PSD3: variants seen among roughly 807,000 people sequenced by gnomAD.
PSD3 encodes PH and SEC7 domain-containing protein 3.
Under a neutral mutation model 105.5 loss-of-function variants are expected in PSD3, and 49 were observed. The observed-to-expected ratio is 0.46, with a 90% CI of 0.37 to 0.59. PSD3 has a LOEUF of 0.59. Among genes scored for constraint, PSD3 ranks in the 20% least tolerant of loss-of-function variants. PSD3 has a pLI of 0.00. For synonymous variants in PSD3, 557 were observed against 457.8 expected (o/e 1.22, Z -2.77); for missense variants, 1,561 against 1,263.8 (o/e 1.24, Z -3.57).
intron 1 of PSD3, among the ~76,000 whole-genome samples, chr8:18,989,041 T>C (rs1031855697): frequency 6.6e-6 from 1 of 152,216 alleles, no homozygotes; most frequent in African/African-American, 2.4e-5. Context: ...TCCGTAGGTA[T>C]TCTTTTTTCA....
chr8:18,757,420 T>A (rs1426817507), intron 9 of PSD3, among the ~76,000 whole-genome samples: 2 of 152,074 alleles, frequency 1.3e-5, no homozygotes, highest in African/African-American at 4.8e-5. Flanking sequence ...GCAGAGATCA[T>A]GCCACTGCAT....
intron 9 of PSD3, among the ~76,000 whole-genome samples, chr8:18,752,530 T>TTATATATTA (rs1563225174): frequency 6.2e-5 from 3 of 48,260 alleles, no homozygotes; most frequent in Non-Finnish European, 9.1e-5. Context: ...ATATATATAA[T>TTATATATTA]TATATATTAT....
intron 12 of PSD3, among the ~76,000 whole-genome samples, chr8:18,588,923 T>G (rs1468388136): frequency 1.3e-5 from 2 of 152,148 alleles, no homozygotes; most frequent in African/African-American, 4.8e-5. Flanking sequence ...CACCCTGAGA[T>G]GGAGTGGGTG....
At chr8:18,963,337 T>G (rs1411563080) in intron 1 of PSD3, among the ~76,000 whole-genome samples, 1 of 152,182 alleles carries the variant, frequency 6.6e-6, no homozygotes, top group Admixed American at 6.5e-5. Context: ...ACCACAGAAT[T>G]TGACTTCCTG....
intron 9 of PSD3, among the ~76,000 whole-genome samples, chr8:18,735,285 C>G (rs151192973): frequency 2.1e-4 from 32 of 152,050 alleles, no homozygotes; most frequent in African/African-American, 7.0e-4. Flanking sequence ...TGCCCAAAAA[C>G]AAGAGATGAA....
chr8:18,765,824 T>C (rs555164462), intron 8 of PSD3, among the ~76,000 whole-genome samples: 1 of 151,862 alleles, frequency 6.6e-6, no homozygotes, highest in Non-Finnish European at 1.5e-5. Flanking sequence ...AAGAATTAGT[T>C]TGGCATGGTG....
chr8:18,932,742 T>G lies in PSD3; in HGVS notation c.130+3292A>C, dbSNP rs565621789. On this transcript the variant is annotated intron_variant, in intron 2 of 15. Coordinates refer to ENST00000327040, the MANE Select transcript of PSD3 (RefSeq NM_015310.4). ...TATGGCCCTTTTCTAAATGGTAATC[T>G]TTCTGAACTTATCTCTCAGTGATGA... 6.1e-4 allele frequency among the ~76,000 whole-genome samples: 93 copies of G among 152,348 alleles called. 1 individual carries two copies. Among genetic ancestry groups the G allele is most frequent in the Admixed American group, 1.8e-3 (28 of 15,304 alleles).
chr8:18,921,955 A>G (rs1203961036), intron 2 of PSD3, among the ~76,000 whole-genome samples: 2 of 152,240 alleles, frequency 1.3e-5, no homozygotes, highest in African/African-American at 4.8e-5. Flanking sequence ...CTGGATTTTT[A>G]CATGAAATCT....
At chr8:18,883,823 T>C (rs1480421549) in intron 2 of PSD3, among the ~76,000 whole-genome samples, 3 of 152,228 alleles carry the variant, frequency 2.0e-5, no homozygotes, top group Admixed American at 1.3e-4. Context: ...GGATTTTCAA[T>C]CCTTTATAAA....
In PSD3 at chr8:18,541,340, CG is replaced by C. The variant is rs1290204622; in HGVS notation, c.2929-5383del. Reference sequence around the variant, plus strand: ...GAGGAGGAACACATTTTTCCATACACGGTAGAAAATATATTTTGAACTCGTA... The same window carrying C: ...GAGGAGGAACACATTTTTCCATACACGTAGAAAATATATTTTGAACTCGTA... On this transcript the variant is annotated intron_variant, in intron 15 of 15. Coordinates refer to ENST00000327040, the MANE Select transcript of PSD3 (RefSeq NM_015310.4). 2.6e-5 allele frequency among the ~76,000 whole-genome samples: 4 copies of C among 151,948 alleles called. No individual in the cohort carries two copies. In the East Asian group the frequency reaches 7.7e-4, roughly 29 times the overall value.
chr8:18,827,338 G>A (rs1174570578), intron 4 of PSD3, among the ~76,000 whole-genome samples: 1 of 152,190 alleles, frequency 6.6e-6, no homozygotes, highest in Non-Finnish European at 1.5e-5. Context: ...CCAGGGATAG[G>A]TCACAGAAGA....
intron 4 of PSD3, among the ~76,000 whole-genome samples, chr8:18,842,731 T>A (rs1402973424): frequency 4.7e-5 from 7 of 147,588 alleles, no homozygotes; most frequent in Non-Finnish European, 1.0e-4. Context: ...AGACTCCGTC[T>A]AAAAAAAAAA....
intron 1 of PSD3, among the ~76,000 whole-genome samples, chr8:19,080,408 C>A (rs1829604749): frequency 6.6e-6 from 1 of 152,146 alleles, no homozygotes; most frequent in African/African-American, 2.4e-5. Flanking sequence ...AAACTTTCTA[C>A]CCAAAAGGTA....
chr8:18,600,399 C>T lies in PSD3; in HGVS notation c.2446G>A (p.Ala816Thr). The change falls in exon 12 of 16, where the codon GCT becomes ACT. Residue 816 changes from alanine (A) to threonine (T), a missense_variant. Ala to Thr is a moderately conservative substitution (Grantham distance 58). Coordinates refer to ENST00000327040, the MANE Select transcript of PSD3 (RefSeq NM_015310.4). ...RGKRGWKTFY[A>T]VLKGTVLYLQ... ...TAAAGAACTGTTCCCTTCAGTACAG[C>T]ATAAAAGGTTTTCCATCCTCGTTTT... 1 of 1,604,860 alleles carries T rather than the reference C, an allele frequency of 6.2e-7. No homozygotes were observed. The highest frequency in any genetic ancestry group is 8.5e-7 in the Non-Finnish European group (1 of 1,177,860).
intron 9 of PSD3, among the ~76,000 whole-genome samples, chr8:18,658,027 C>G (rs916526142): frequency 6.6e-6 from 1 of 152,150 alleles, no homozygotes; most frequent in Non-Finnish European, 1.5e-5. Context: ...TTTAAAAATT[C>G]TTGCTATTCA....
chr8:19,027,155 G>GCT (rs1170292069), intron 1 of PSD3, among the ~76,000 whole-genome samples: 2 of 151,994 alleles, frequency 1.3e-5, no homozygotes, highest in African/African-American at 4.8e-5. Flanking sequence ...AAATCTATCA[G>GCT]CTCTCTCTCA....
rs1799544448 is a variant in PSD3 at position 18,529,352 on chromosome 8, G to C, written c.*6391C>G. 1.3e-5 allele frequency: 2 copies of C among 152,152 alleles called. No individual in the cohort carries two copies. The allele number at this position is 152,152 out of a possible 1,614,324, so 9.4% of individuals were successfully genotyped here. The stretch of plus-strand genomic sequence containing the variant: ...ACCCCCTCTGTTCATCACCTCTTTA[G>C]AATATTCTGGCTCTTTGCATCTTAA... On this transcript the variant is annotated 3_prime_UTR_variant, in exon 16 of 16. Coordinates refer to ENST00000327040, the MANE Select transcript of PSD3 (RefSeq NM_015310.4).
intron 10 of PSD3, among the ~76,000 whole-genome samples, chr8:18,646,045 T>C (rs951710093): frequency 3.9e-5 from 6 of 152,164 alleles, no homozygotes; most frequent in African/African-American, 1.4e-4. Context: ...TATGATGTAG[T>C]TTCTGCTGGT....
At chr8:18,803,277 A>ACTC (rs1392482644) in intron 6 of PSD3, 1 of 93,342 alleles carries the variant, frequency 1.1e-5, no homozygotes, top group African/African-American at 4.5e-5. Context: ...ACAGAGCGAG[A>ACTC]CTCTGTCTCC....
Sources: allele counts gnomAD v4.1 joint callset (sites outside exome capture counted in the v4.1 genomes callset), GRCh38; gene constraint gnomAD v4.1.1; transcripts MANE v1.5; gene names NCBI Gene and HGNC (gene_info 2026-07-23, HGNC 2026-07-21).